SLC16A7: variants seen among roughly 807,000 people sequenced by gnomAD.
The protein encoded by SLC16A7 is solute carrier family 16 member 7, also known as monocarboxylate transporter 2.
Under a neutral mutation model 34.9 loss-of-function variants are expected in SLC16A7, and 33 were observed. The observed-to-expected ratio is 0.94, with a 90% CI of 0.72 to 1.26. SLC16A7 has a LOEUF of 1.26. Ranked by LOEUF, SLC16A7 falls within the 50% of genes most tolerant of loss-of-function variation. The probability of loss-of-function intolerance (pLI) is 0.00; values close to 1 mark genes in which losing one functional copy is unlikely to be tolerated. For missense variants in SLC16A7, 573 were observed against 578.1 expected, an observed-to-expected ratio of 0.99 and a Z score of 0.09; for synonymous variants, 201 against 206.6, an observed-to-expected ratio of 0.97 and a Z score of 0.23.
At chr12:59,600,004 G>C (rs1249444581) in intron 1 of SLC16A7, among the ~76,000 whole-genome samples, 1 of 152,170 alleles carries the variant, frequency 6.6e-6, no homozygotes, top group Admixed American at 6.5e-5. Context: ...AGTCCAGCCT[G>C]TCTGGGTTTT....
chr12:59,726,569 T>C (rs2706321), intron 3 of SLC16A7, among the ~76,000 whole-genome samples: 18,664 of 152,164 alleles, frequency 0.12, 1,497 homozygotes, highest in African/African-American at 0.22. Context: ...TAAAATCTTA[T>C]TAACCAGTTT....
intron 3 of SLC16A7, among the ~76,000 whole-genome samples, chr12:59,758,183 A>C (rs1027137725): frequency 6.6e-6 from 1 of 152,090 alleles, no homozygotes; most frequent in African/African-American, 2.4e-5. Flanking sequence ...AAATTAGAAA[A>C]AAACTATACC....
At chr12:59,729,470 T>A (rs537980406) in intron 3 of SLC16A7, among the ~76,000 whole-genome samples, 1 of 152,310 alleles carries the variant, frequency 6.6e-6, no homozygotes, top group African/African-American at 2.4e-5. Flanking sequence ...AATTCCCAAA[T>A]CATTATTTTT....
At chr12:59,724,733 T>G (rs1876029645) in intron 3 of SLC16A7, among the ~76,000 whole-genome samples, 1 of 152,024 alleles carries the variant, frequency 6.6e-6, no homozygotes, top group Non-Finnish European at 1.5e-5. Context: ...TAGTTTATGA[T>G]GTCACTCGGA....
rs1882360860 is a variant in SLC16A7, at chr12:59,772,790, A to T, written c.361+1428A>T. ...CTTTAGAGTACCCAGAATTTTGATG[A>T]TCATAAATAAATATTTGCAAATAAT... On this transcript the variant is annotated intron_variant, in intron 4 of 5. Coordinates refer to ENST00000547379, the MANE Select transcript of SLC16A7 (RefSeq NM_001270623.2). 2.0e-5 allele frequency among the ~76,000 whole-genome samples: 3 copies of T among 152,282 alleles called. No individual in the cohort carries two copies. In the South Asian group the frequency reaches 6.2e-4, roughly 32 times the overall value.
intron 1 of SLC16A7, among the ~76,000 whole-genome samples, chr12:59,640,714 C>T (rs1423973710): frequency 6.6e-6 from 1 of 151,840 alleles, no homozygotes; most frequent in Non-Finnish European, 1.5e-5. Context: ...TTTCACAGCC[C>T]CTATCCAAAA....
At chr12:59,701,914 C>G (rs2137129686) in intron 2 of SLC16A7, among the ~76,000 whole-genome samples, 1 of 151,776 alleles carries the variant, frequency 6.6e-6, no homozygotes, top group South Asian at 2.1e-4. Flanking sequence ...ATAGTTTAAA[C>G]TCAAGAATTA....
At position 59,782,527 on chromosome 12, in the gene SLC16A7, A is replaced by AT. The variant is rs1198290717; in HGVS notation, c.*2849dup. Reference sequence around the variant, plus strand: ...AGATATCATGAAGCAAAGTCAGGGTATACCACTACAATCCCCACTAATCTC... The same window carrying AT: ...AGATATCATGAAGCAAAGTCAGGGTATTACCACTACAATCCCCACTAATCTC... On this transcript the variant is annotated 3_prime_UTR_variant, in exon 6 of 6. Transcript: ENST00000547379. 6.6e-6 allele frequency: 1 copy of AT among 152,218 alleles called. No individual in the cohort carries two copies. The highest frequency in any genetic ancestry group is 2.4e-5 in the African/African-American group (1 of 41,456). 9.4% of individuals were successfully genotyped at this position (152,218 alleles called of 1,614,324 possible).
rs376995329 is a variant in SLC16A7 at position 59,725,042 on chromosome 12, A to C, written c.217+20024A>C. Among the ~76,000 whole-genome samples, 191 of 147,770 alleles carry C rather than the reference A, an allele frequency of 1.3e-3. 3 individuals carry two copies. In the South Asian group the frequency reaches 0.02, roughly 16 times the overall value. ...CAAGGAATAATAGTATAATTCCAAA[A>C]ATATTGTTGCATGAATGCTTTCCCT... On this transcript the variant is annotated intron_variant, in intron 3 of 5. Coordinates refer to ENST00000547379, the MANE Select transcript of SLC16A7 (RefSeq NM_001270623.2).
chr12:59,667,761 CCAGGGTATAT>C (rs1218961453), intron 2 of SLC16A7, among the ~76,000 whole-genome samples: 3 of 152,182 alleles, frequency 2.0e-5, no homozygotes, highest in Non-Finnish European at 4.4e-5. Context: ...GAAAACGTCT[CCAGGGTATAT>C]CAGAGGCCTT....
In SLC16A7 at chr12:59,781,947, T is replaced by A. The variant is rs543733049; in HGVS notation, c.*2268T>A. 1.3e-5 allele frequency: 2 copies of A among 152,322 alleles called. No individual in the cohort carries two copies. The highest frequency in any genetic ancestry group is 4.1e-4 in the South Asian group (2 of 4,832). The allele number at this position is 152,322 out of a possible 1,614,324, so 9.4% of individuals were successfully genotyped here. A position where few individuals can be genotyped will look rare whatever the true frequency, so the allele number is the denominator to read the frequency against. ...TTACCTTCTAGTAGAGACATCCTCCTGGGTGCATTTCAGTGGCCTTCTCCA... is the reference window on the plus strand; with the variant it reads ...TTACCTTCTAGTAGAGACATCCTCCAGGGTGCATTTCAGTGGCCTTCTCCA... On this transcript the variant is annotated 3_prime_UTR_variant, in exon 6 of 6. Coordinates refer to ENST00000547379, the MANE Select transcript of SLC16A7 (RefSeq NM_001270623.2).
intron 2 of SLC16A7, among the ~76,000 whole-genome samples, chr12:59,682,322 T>A (rs1016611205): frequency 6.6e-6 from 1 of 152,180 alleles, no homozygotes; most frequent in Non-Finnish European, 1.5e-5. Context: ...AATTTTAACA[T>A]CTTAGGGGAC....
chr12:59,692,802 G>C (rs747086091), intron 2 of SLC16A7, among the ~76,000 whole-genome samples: 27 of 151,942 alleles, frequency 1.8e-4, no homozygotes, highest in Non-Finnish European at 3.2e-4. Context: ...CTCTTGTCTA[G>C]ATGTCAAAGT....
chr12:59,756,599 G>A (rs1191284967), intron 3 of SLC16A7, among the ~76,000 whole-genome samples: 1 of 151,296 alleles, frequency 6.6e-6, no homozygotes, highest in Non-Finnish European at 1.5e-5. Context: ...TTAAAAGTCA[G>A]GAAACAACAG....
intron 3 of SLC16A7, among the ~76,000 whole-genome samples, chr12:59,762,861 AAAAT>A (rs1383422535): frequency 2.0e-5 from 3 of 152,102 alleles, no homozygotes; most frequent in Non-Finnish European, 2.9e-5. Context: ...CAATCATTTA[AAAAT>A]AAATGAATGA....
chr12:59,741,049 A>G (rs1287578683), intron 3 of SLC16A7, among the ~76,000 whole-genome samples: 2 of 152,204 alleles, frequency 1.3e-5, no homozygotes, highest in Non-Finnish European at 2.9e-5. Context: ...CCACTGCTCA[A>G]TGAAATAAAA....
chr12:59,670,163 T>G (rs1869555479), intron 2 of SLC16A7, among the ~76,000 whole-genome samples: 1 of 152,196 alleles, frequency 6.6e-6, no homozygotes, highest in Non-Finnish European at 1.5e-5. Flanking sequence ...CAGTAAAATT[T>G]CAATTTATGC....
chr12:59,701,786 T>A (rs1178209340), intron 2 of SLC16A7, among the ~76,000 whole-genome samples: 1 of 151,782 alleles, frequency 6.6e-6, no homozygotes, highest in African/African-American at 2.4e-5. Flanking sequence ...GTTATTATTT[T>A]AAAATATGGG....
intron 3 of SLC16A7, among the ~76,000 whole-genome samples, chr12:59,755,657 G>A (rs9738243): frequency 0.12 from 18,572 of 151,984 alleles, 1,468 homozygotes; most frequent in African/African-American, 0.22. Flanking sequence ...GGAAGAATCA[G>A]TATCATGAAA....
Sources: allele counts gnomAD v4.1 joint callset (sites outside exome capture counted in the v4.1 genomes callset), GRCh38; gene constraint gnomAD v4.1.1; transcripts MANE v1.5; gene names NCBI Gene and HGNC (gene_info 2026-07-23, HGNC 2026-07-21).